The following BNC2 variants were observed in gnomAD, a reference collection of about 807,000 sequenced individuals.
BNC2 encodes the protein basonuclin zinc finger protein 2, also known as zinc finger protein basonuclin-2.
Under a neutral mutation model 76.3 loss-of-function variants are expected in BNC2, and 20 were observed. The observed-to-expected ratio is 0.26, with a 90% confidence interval of 0.18 to 0.38. BNC2 has a LOEUF of 0.38. Ranked by LOEUF, BNC2 falls within the 10% of genes least tolerant of loss-of-function variation. The pLI, the probability that BNC2 is intolerant of heterozygous loss-of-function variation, is 1.00. For missense variants in BNC2, 1,382 were observed against 1,399.8 expected (o/e 0.99, Z 0.20); for synonymous variants, 582 against 514.8 (o/e 1.13, Z -1.77).
intron 5 of BNC2, among the ~76,000 whole-genome samples, chr9:16,526,303 C>T (rs1487195687): frequency 1.3e-5 from 2 of 151,796 alleles, no homozygotes; most frequent in South Asian, 2.1e-4. Flanking sequence ...CTCCTTACAC[C>T]CAGTGAGATA....
intron 5 of BNC2, among the ~76,000 whole-genome samples, chr9:16,508,039 G>T: frequency 6.6e-6 from 1 of 152,180 alleles, no homozygotes. Flanking sequence ...CAGAGTATAA[G>T]AAGATAAGCA....
chr9:16,819,763 C>A (rs1013652972), intron 1 of BNC2, among the ~76,000 whole-genome samples: 1 of 152,112 alleles, frequency 6.6e-6, no homozygotes, highest in Non-Finnish European at 1.5e-5. Context: ...CCATACCAAG[C>A]ACTCTGAAAA....
intron 5 of BNC2, among the ~76,000 whole-genome samples, chr9:16,484,389 C>T (rs1273248353): frequency 6.6e-6 from 1 of 152,166 alleles, no homozygotes; most frequent in Admixed American, 6.5e-5. Flanking sequence ...TACAACTGTG[C>T]TTATAGATAA....
intron 5 of BNC2, 39 bp downstream of exon 5, chr9:16,552,491 C>A (rs759645736): frequency 1.3e-6 from 2 of 1,575,850 alleles, no homozygotes; most frequent in African/African-American, 1.4e-5. Flanking sequence ...CACCCACAGT[C>A]GGCCCCGGAC....
chr9:16,528,675 A>G (rs977888531), intron 5 of BNC2, among the ~76,000 whole-genome samples: 4 of 152,270 alleles, frequency 2.6e-5, no homozygotes, highest in Non-Finnish European at 4.4e-5. Context: ...ACACAGTAAT[A>G]AACACATATA....
chr9:16,784,650 G>A (rs531852238), intron 1 of BNC2, among the ~76,000 whole-genome samples: 18 of 152,200 alleles, frequency 1.2e-4, no homozygotes, highest in Non-Finnish European at 2.6e-4. Context: ...CACTGGCAAA[G>A]TCAGAGGTGT....
At position 16,696,158 on chromosome 9, in the gene BNC2, A is replaced by G. The variant is rs190701850; in HGVS notation, c.330+31639T>C. ...TGACTTTATCATTCCATACTTGCCA[A>G]CTAGTGCTATACACCACCCCTCCAA... is the stretch of plus-strand genomic sequence containing the variant. On this transcript the variant is annotated intron_variant, in intron 3 of 6. Coordinates refer to ENST00000380672, the MANE Select transcript of BNC2 (RefSeq NM_017637.6). Among the ~76,000 whole-genome samples the G allele has an allele frequency of 1.2e-4, 18 of 152,226 alleles. No individual in the cohort carries two copies. In the East Asian group the frequency reaches 3.5e-3, roughly 29 times the overall value.
intron 1 of BNC2, among the ~76,000 whole-genome samples, chr9:16,812,692 C>T (rs916154248): frequency 6.6e-6 from 1 of 152,162 alleles, no homozygotes; most frequent in East Asian, 1.9e-4. Flanking sequence ...TAAACTACAG[C>T]TGCACAGGTT....
At chr9:16,641,999 GCAATTCAGTAAACACC>G (rs1344510152) in intron 3 of BNC2, among the ~76,000 whole-genome samples, 1 of 152,028 alleles carries the variant, frequency 6.6e-6, no homozygotes, top group Non-Finnish European at 1.5e-5. Context: ...TTTTTCCTTC[GCAATTCAGTAAACACC>G]CAATGCAGCA....
At chr9:16,473,933 A>G (rs1050345449) in intron 5 of BNC2, among the ~76,000 whole-genome samples, 17 of 152,170 alleles carry the variant, frequency 1.1e-4, no homozygotes, top group Admixed American at 9.2e-4. Flanking sequence ...TAAGTACTTA[A>G]AAGTGTTTTC....
intron 1 of BNC2, among the ~76,000 whole-genome samples, chr9:16,865,703 T>G (rs1819526765): frequency 6.6e-6 from 1 of 152,126 alleles, no homozygotes; most frequent in East Asian, 1.9e-4. Flanking sequence ...AAACTGATAT[T>G]GTTATGTACG....
At chr9:16,646,865 A>T (rs1821643030) in intron 3 of BNC2, among the ~76,000 whole-genome samples, 1 of 152,188 alleles carries the variant, frequency 6.6e-6, no homozygotes, top group Non-Finnish European at 1.5e-5. Context: ...GAATCCATAG[A>T]GGGTCTACTG....
chr9:16,419,562 G>T lies in BNC2; in HGVS notation c.2727C>A (p.Ser909Arg). Residue 909 changes from serine (S) to arginine (R), a missense_variant, in exon 7 of 7, where the codon AGC (serine) becomes AGA (arginine). Transcript: ENST00000380672. The stretch of plus-strand genomic sequence containing the variant: ...CCAAAAATTCATCGCGGAGGTCCTT[G>T]CTAAGGGAGGGCTGCGACGAGTCCA... ...MGLDSSQPSL[S>R]KDLRDEFLVK... 1 of 1,613,716 alleles carries T rather than the reference G, an allele frequency of 6.2e-7. No individual in the cohort carries two copies. The highest frequency in any genetic ancestry group is 8.5e-7 in the Non-Finnish European group (1 of 1,179,946).
intron 4 of BNC2, among the ~76,000 whole-genome samples, chr9:16,560,526 A>G (rs1818978300): frequency 6.7e-6 from 1 of 149,074 alleles, no homozygotes; most frequent in African/African-American, 2.5e-5. Flanking sequence ...TGCCTGGACA[A>G]CACAGTGAAA....
chr9:16,509,630 G>A (rs1196906939), intron 5 of BNC2, among the ~76,000 whole-genome samples: 2 of 152,198 alleles, frequency 1.3e-5, no homozygotes, highest in Admixed American at 6.5e-5. Context: ...CTGGGTAAAA[G>A]TAATTCTGAA....
chr9:16,824,313 A>G (rs974249741), intron 1 of BNC2, among the ~76,000 whole-genome samples: 1 of 152,186 alleles, frequency 6.6e-6, no homozygotes, highest in African/African-American at 2.4e-5. Context: ...TGTAAGTCTA[A>G]TGACAGAAAT....
At chr9:16,629,447 G>A (rs553980191) in intron 3 of BNC2, among the ~76,000 whole-genome samples, 1 of 152,156 alleles carries the variant, frequency 6.6e-6, no homozygotes, top group Non-Finnish European at 1.5e-5. Context: ...GAACTTTAAT[G>A]TTTGTGTGTT....
intron 1 of BNC2, chr9:16,868,070 T>A (rs1181005752): frequency 1.3e-5 from 2 of 152,216 alleles, no homozygotes; most frequent in African/African-American, 4.8e-5. Flanking sequence ...ATGAAAGTAC[T>A]TTTCTTTCTT....
intron 1 of BNC2, among the ~76,000 whole-genome samples, chr9:16,845,496 C>A (rs539306734): frequency 1.3e-5 from 2 of 151,864 alleles, no homozygotes; most frequent in South Asian, 2.1e-4. Flanking sequence ...CCAAGGCGGG[C>A]GGATCACAAG....
Sources: allele counts gnomAD v4.1 joint callset (sites outside exome capture counted in the v4.1 genomes callset), GRCh38; gene constraint gnomAD v4.1.1; transcripts MANE v1.5; gene names NCBI Gene and HGNC (gene_info 2026-07-23, HGNC 2026-07-21).